The following ABCA13 variants were observed in gnomAD, a reference collection of about 807,000 sequenced individuals.
ABCA13 encodes ATP-binding cassette sub-family A member 13.
A neutral mutation model predicts 478.7 loss-of-function variants in ABCA13; 476 were observed. The ratio of observed to expected loss-of-function variants is 0.99; its 90% CI spans 0.92 to 1.07. The LOEUF (loss-of-function observed/expected upper bound fraction) is 1.07. Ranked by LOEUF, ABCA13 falls within the 50% of genes least tolerant of loss-of-function variation. The pLI, the probability that ABCA13 is intolerant of heterozygous loss-of-function variation, is 0.00. For missense variants in ABCA13, 6,060 were observed against 5,910.6 expected, an observed-to-expected ratio of 1.03 and a Z score of -0.83; for synonymous variants, 2,252 against 2,158.9, an observed-to-expected ratio of 1.04 and a Z score of -1.20.
chr7:48,359,082 C>T (rs1408033241), intron 31 of ABCA13, among the ~76,000 whole-genome samples: 1 of 151,968 alleles, frequency 6.6e-6, no homozygotes, highest in African/African-American at 2.4e-5. Context: ...TGTCGGTCTC[C>T]TCAGCTCATA....
At chr7:48,431,909 T>C (rs933806178) in intron 42 of ABCA13, among the ~76,000 whole-genome samples, 1 of 152,210 alleles carries the variant, frequency 6.6e-6, no homozygotes, top group African/African-American at 2.4e-5. Flanking sequence ...TTCTGTATTT[T>C]TTGGCTTCTA....
intron 55 of ABCA13, among the ~76,000 whole-genome samples, chr7:48,545,328 A>G (rs1293814329): frequency 6.6e-6 from 1 of 151,792 alleles, no homozygotes; most frequent in African/African-American, 2.4e-5. Flanking sequence ...CTAGGATTAG[A>G]GGTGAAAAGA....
chr7:48,531,786 T>C (rs1018465013), intron 55 of ABCA13, among the ~76,000 whole-genome samples: 1 of 151,096 alleles, frequency 6.6e-6, no homozygotes, highest in South Asian at 2.1e-4. Context: ...AGCTCTTGAT[T>C]TGATTCTCCG....
intron 20 of ABCA13, among the ~76,000 whole-genome samples, chr7:48,290,943 A>G (rs1402935340): frequency 9.6e-6 from 1 of 104,414 alleles, no homozygotes; most frequent in East Asian, 3.1e-4. Flanking sequence ...ACTCAGGGAA[A>G]AAAAAAAAAA....
chr7:48,466,874 A>ATG, intron 43 of ABCA13, 82 bp from the exon 44 acceptor site: 1 of 1,306,096 alleles, frequency 7.7e-7, no homozygotes, highest in African/African-American at 1.5e-5. Context: ...GCACAATGTG[A>ATG]GGTCAGCAGC....
chr7:48,200,267 C>T (rs576433520), intron 3 of ABCA13, among the ~76,000 whole-genome samples: 77 of 152,088 alleles, frequency 5.1e-4, no homozygotes, highest in Middle Eastern at 6.8e-3. Flanking sequence ...TTCGGGAGGC[C>T]GAGGCAGGAG....
At chr7:48,232,154 T>TTTTTTTTTTTTTTTTTC (rs1789229078) in intron 7 of ABCA13, among the ~76,000 whole-genome samples, 1 of 140,164 alleles carries the variant, frequency 7.1e-6, no homozygotes, top group African/African-American at 2.6e-5. Context: ...TTTTTTTTTT[T>TTTTTTTTTTTTTTTTTC]TTTTTTTTTT....
At chr7:48,367,741 T>G in intron 31 of ABCA13, 53 bp from the exon 32 acceptor site, 3 of 1,368,666 alleles carry the variant, frequency 2.2e-6, no homozygotes, top group Non-Finnish European at 3.1e-6. Context: ...TGTAAAAAAT[T>G]AGTAGAGTCA....
At chr7:48,209,228 T>TTA (rs1785311638) in intron 3 of ABCA13, among the ~76,000 whole-genome samples, 1 of 152,134 alleles carries the variant, frequency 6.6e-6, no homozygotes, top group African/African-American at 2.4e-5. Context: ...AATATTAAAT[T>TTA]CAGTTAAATG....
At chr7:48,217,673 T>G (rs1786692040) in intron 3 of ABCA13, among the ~76,000 whole-genome samples, 1 of 152,218 alleles carries the variant, frequency 6.6e-6, no homozygotes, top group African/African-American at 2.4e-5. Flanking sequence ...CAAGGCCCCA[T>G]GTACTTCTGA....
intron 19 of ABCA13, among the ~76,000 whole-genome samples, chr7:48,284,806 T>G (rs1797505491): frequency 6.6e-6 from 1 of 152,156 alleles, no homozygotes; most frequent in South Asian, 2.1e-4. Context: ...GAATTGTTAC[T>G]CCATCCTGTA....
At chr7:48,308,113 A>C (rs1801187222) in intron 23 of ABCA13, among the ~76,000 whole-genome samples, 1 of 151,060 alleles carries the variant, frequency 6.6e-6, no homozygotes. Flanking sequence ...TTCTATTTTA[A>C]GTTTTTTTAC....
intron 55 of ABCA13, among the ~76,000 whole-genome samples, chr7:48,554,661 TG>T (rs1255995871): frequency 2.0e-5 from 3 of 151,822 alleles, no homozygotes; most frequent in Non-Finnish European, 4.4e-5. Context: ...TACTGATTTT[TG>T]TATGTTGATT....
intron 42 of ABCA13, among the ~76,000 whole-genome samples, chr7:48,449,516 T>C (rs940702547): frequency 5.9e-5 from 9 of 152,194 alleles, no homozygotes; most frequent in Admixed American, 2.6e-4. Flanking sequence ...AAATGTTCAG[T>C]GTATTCAGGG....
intron 7 of ABCA13, 31 bp downstream of exon 7, chr7:48,229,986 T>A: frequency 6.3e-7 from 1 of 1,598,180 alleles, no homozygotes; most frequent in Non-Finnish European, 8.5e-7. Context: ...TTGCTATATT[T>A]CAAAACGTTT....
chr7:48,603,196 C>A (rs961352394), intron 58 of ABCA13, among the ~76,000 whole-genome samples: 2 of 152,168 alleles, frequency 1.3e-5, no homozygotes, highest in Non-Finnish European at 2.9e-5. Context: ...TTGACTTCCT[C>A]TTTTCCTAAC....
At chr7:48,588,934 T>A (rs1282055678) in intron 57 of ABCA13, among the ~76,000 whole-genome samples, 1 of 152,216 alleles carries the variant, frequency 6.6e-6, no homozygotes, top group African/African-American at 2.4e-5. Context: ...TCACACCTTT[T>A]ATTTACTTAT....
chr7:48,421,307 A>C (rs1030970352), intron 41 of ABCA13, among the ~76,000 whole-genome samples: 2 of 151,904 alleles, frequency 1.3e-5, no homozygotes, highest in Admixed American at 6.5e-5. Flanking sequence ...AATTATTACT[A>C]TGGCACTTGC....
In ABCA13 at chr7:48,200,378, AC is replaced by A. The variant is rs1034919520; in HGVS notation, c.287+2024del. ...CGAGACTCATTCTCAAACAAAAAAA[AC>A]CCCCCAAATTACTTGATATCAGGAA... On this transcript the variant is annotated intron_variant, in intron 3 of 61. Transcript: ENST00000435803. Among the ~76,000 whole-genome samples, 8 of 152,062 alleles carry A rather than the reference AC, an allele frequency of 5.3e-5. No homozygotes were observed. The East Asian group carries it at 9.7e-4, about 18-fold the overall frequency.
Sources: gnomAD v4.1 joint callset for allele counts (sites outside exome capture counted in the v4.1 genomes callset) on GRCh38, gnomAD v4.1.1 for gene constraint, MANE v1.5 for transcripts, NCBI Gene and HGNC (gene_info 2026-07-23, HGNC 2026-07-21) for gene names.